Variants in KIF13A observed in about 807,000 individuals in gnomAD.
The protein encoded by KIF13A is kinesin-like protein KIF13A.
Under a neutral mutation model 212.2 loss-of-function variants are expected in KIF13A, and 79 were observed. The ratio of observed to expected loss-of-function variants is 0.37; its 90% CI spans 0.31 to 0.45. The LOEUF (loss-of-function observed/expected upper bound fraction) is 0.45. Ranked by LOEUF, KIF13A falls within the 20% of genes least tolerant of loss-of-function variation. KIF13A has a pLI of 1.00. For synonymous variants in KIF13A, 789 were observed against 808.6 expected, an observed-to-expected ratio of 0.98 and a Z score of 0.41; for missense variants, 1,901 against 2,209.0, an observed-to-expected ratio of 0.86 and a Z score of 2.79.
intron 2 of KIF13A, among the ~76,000 whole-genome samples, chr6:17,978,141 G>T (rs1236134642): frequency 6.6e-6 from 1 of 152,234 alleles, no homozygotes; most frequent in Non-Finnish European, 1.5e-5. Context: ...TTCTAGTCCT[G>T]TGAGTCTAGG....
rs1251444637 is a variant in KIF13A, at chr6:17,963,892, A to G, written c.146+23162T>C. Among the ~76,000 whole-genome samples the G allele has an allele frequency of 6.6e-6, 1 of 152,218 alleles. No individual in the cohort carries two copies. Among genetic ancestry groups the G allele is most frequent in the Non-Finnish European group, 1.5e-5 (1 of 68,028 alleles). The stretch of plus-strand genomic sequence containing the variant: ...ATCTTAATGGTGATAGTGGTTAATC[A>G]GGCATATGCAACTGTAAAAACTCAA... On this transcript the variant is annotated intron_variant, in intron 2 of 38. Coordinates refer to ENST00000259711, the MANE Select transcript of KIF13A (RefSeq NM_022113.6). This position sits in a 1 kb window ranked among gnomAD's most constrained non-coding sequence, Gnocchi z 4.1.
chr6:17,867,102 A>G (rs1769480230), intron 4 of KIF13A, among the ~76,000 whole-genome samples: 1 of 152,000 alleles, frequency 6.6e-6, no homozygotes, highest in South Asian at 2.1e-4. Context: ...TTATGCTTGT[A>G]CAAAGGGTCA....
chr6:17,974,827 T>G (rs190007758), intron 2 of KIF13A, among the ~76,000 whole-genome samples: 1 of 152,232 alleles, frequency 6.6e-6, no homozygotes, highest in African/African-American at 2.4e-5. Context: ...TGGCCACATA[T>G]AGCTGTTTAA....
At chr6:17,820,232 C>G (rs537880311) in intron 16 of KIF13A, among the ~76,000 whole-genome samples, 1 of 152,092 alleles carries the variant, frequency 6.6e-6, no homozygotes, top group Non-Finnish European at 1.5e-5. Flanking sequence ...AATTGAAGTG[C>G]AAATACAGAA....
In KIF13A at chr6:17,828,213, C is replaced by G. The variant is rs760648721; in HGVS notation, c.1532+27G>C. ...TTCTGAAAATAAGGCACACAAGACACGTGAAGTCACCATTTACTTTTCTTA... is the reference window on the plus strand; with the variant it reads ...TTCTGAAAATAAGGCACACAAGACAGGTGAAGTCACCATTTACTTTTCTTA... On this transcript the variant is annotated intron_variant, in intron 14 of 38. Coordinates refer to ENST00000259711, the MANE Select transcript of KIF13A (RefSeq NM_022113.6). This position sits in a 1 kb window ranked among gnomAD's most constrained non-coding sequence, Gnocchi z 4.3. The G allele has an allele frequency of 6.2e-7, 1 of 1,604,542 alleles. No individual in the cohort carries two copies. The highest frequency in any genetic ancestry group is 1.3e-5 in the African/African-American group (1 of 74,892).
intron 16 of KIF13A, among the ~76,000 whole-genome samples, chr6:17,824,810 T>C (rs1377785297): frequency 6.9e-6 from 1 of 145,476 alleles, no homozygotes; most frequent in Non-Finnish European, 1.5e-5. Flanking sequence ...TCAAGCCCCC[T>C]GTCAGGTAGA....
chr6:17,869,015 A>C (rs1364729181), intron 4 of KIF13A, among the ~76,000 whole-genome samples: 2 of 149,822 alleles, frequency 1.3e-5, no homozygotes, highest in Non-Finnish European at 3.0e-5. Flanking sequence ...AAAAAAAAAA[A>C]AAAAACACAA....
intron 3 of KIF13A, among the ~76,000 whole-genome samples, chr6:17,874,957 T>TTTTTTTTTGAG (rs1554188576): frequency 7.1e-6 from 1 of 141,464 alleles, no homozygotes; most frequent in Admixed American, 7.0e-5. Context: ...CATTCCTTTT[T>TTTTTTTTTGAG]ATGGCTAAGT....
At position 17,779,063 on chromosome 6, in the gene KIF13A, G is replaced by A. The variant is rs774472191; in HGVS notation, c.3976C>T (p.Leu1326Phe). Reference protein sequence around the residue: ...EEIEDRETLALLAARSENEGT... With the variant: ...EEIEDRETLAFLAARSENEGT... ...TCGTTTTCACTCCTTGCTGCCAGGA[G>A]AGCCAGCGTTTCCCGGTCCTCTATC... is the stretch of plus-strand genomic sequence containing the variant. The change falls in exon 33 of 39, where the codon CTC becomes TTC. Residue 1326 changes from leucine to phenylalanine, a missense_variant. By Grantham distance (22) the Leu-to-Phe change is conservative (BLOSUM62 0). Transcript: ENST00000259711. 5.2e-5 allele frequency: 84 copies of A among 1,613,512 alleles called. No homozygotes were observed. Among genetic ancestry groups the A allele is most frequent in the Non-Finnish European group, 6.4e-5 (75 of 1,179,812 alleles).
At chr6:17,795,779 T>C (rs1327671071) in intron 23 of KIF13A, among the ~76,000 whole-genome samples, 1 of 152,338 alleles carries the variant, frequency 6.6e-6, no homozygotes, top group East Asian at 1.9e-4. Flanking sequence ...AGTGGTCTTT[T>C]GATGAGCACA....
At chr6:17,865,203 T>C (rs1769234170) in intron 4 of KIF13A, among the ~76,000 whole-genome samples, 1 of 152,142 alleles carries the variant, frequency 6.6e-6, no homozygotes, top group Non-Finnish European at 1.5e-5. Context: ...TTTTCTAAAG[T>C]AACTACATAG....
At position 17,871,127 on chromosome 6, in the gene KIF13A, T is replaced by G. The variant is rs1769965930; in HGVS notation, c.220+2250A>C. Among the ~76,000 whole-genome samples, 1 of 152,172 alleles carries G rather than the reference T, an allele frequency of 6.6e-6. No individual in the cohort carries two copies. Among genetic ancestry groups the G allele is most frequent in the Non-Finnish European group, 1.5e-5 (1 of 68,046 alleles). ...TCTAGGCTTCCCTTTGACTAAACTC[T>G]AAACAACTCATATGTTGACAAGTAA... On this transcript the variant is annotated intron_variant, in intron 4 of 38. Coordinates refer to ENST00000259711, the MANE Select transcript of KIF13A (RefSeq NM_022113.6). This position sits in a 1 kb window ranked among gnomAD's most constrained non-coding sequence, Gnocchi z 4.4.
chr6:17,816,749 T>C lies in KIF13A; in HGVS notation c.2000+271A>G, dbSNP rs1289476430. On this transcript the variant is annotated intron_variant, in intron 17 of 38. Transcript: ENST00000259711. This position sits in a 1 kb window ranked among gnomAD's most constrained non-coding sequence, Gnocchi z 4.3. ...ATTATTCAAACTTTCTAAATTTCAA[T>C]ACATACCTGTCTAACCCTTGCAACT... 1.3e-5 allele frequency among the ~76,000 whole-genome samples: 2 copies of C among 152,236 alleles called. No homozygotes were observed. The highest frequency in any genetic ancestry group is 2.9e-5 in the Non-Finnish European group (2 of 68,038).
intron 2 of KIF13A, among the ~76,000 whole-genome samples, chr6:17,943,727 A>C (rs1455667682): frequency 1.3e-5 from 2 of 152,194 alleles, no homozygotes; most frequent in African/African-American, 4.8e-5. Flanking sequence ...CATAATAACT[A>C]AACTCTATAA....
intron 2 of KIF13A, among the ~76,000 whole-genome samples, chr6:17,972,516 G>A (rs920679584): frequency 2.0e-5 from 3 of 152,182 alleles, no homozygotes; most frequent in Non-Finnish European, 2.9e-5. Context: ...TTAAACCCTA[G>A]AACAGAATGT....
intron 38 of KIF13A, chr6:17,770,677 G>C (rs961657518): frequency 7.7e-6 from 2 of 260,616 alleles, no homozygotes; most frequent in Non-Finnish European, 1.2e-5. Flanking sequence ...CTTGGCAATA[G>C]CATCAGGCAA....
Position 17,849,618 on chromosome 6 carries a change from A to G in KIF13A, c.718-129T>C, listed in dbSNP as rs1343388101. 5.1e-6 allele frequency: 3 copies of G among 583,388 alleles called. No homozygotes were observed. The highest frequency in any genetic ancestry group is 8.9e-6 in the Non-Finnish European group (3 of 335,882). The allele number at this position is 583,388 out of a possible 1,614,324, so 36.1% of individuals were successfully genotyped here. ...ATATGGCAAATTTCTTAAGTTTTTA[A>G]ACGGTCAGAAGAGTTATTTGAACCA... On this transcript the variant is annotated intron_variant, in intron 8 of 38. Coordinates refer to ENST00000259711, the MANE Select transcript of KIF13A (RefSeq NM_022113.6). The surrounding 1 kb of genome is among the most constrained non-coding windows in gnomAD (Gnocchi z 5.7).
rs1253914032 is a variant in KIF13A, at chr6:17,799,843, A to C, written c.2616+109T>G. 1 of 1,292,112 alleles carries C rather than the reference A, an allele frequency of 7.7e-7. No individual in the cohort carries two copies. Among genetic ancestry groups the C allele is most frequent in the Non-Finnish European group, 1.1e-6 (1 of 923,932 alleles). The allele number at this position is 1,292,112 out of a possible 1,614,324, so 80.0% of individuals were successfully genotyped here. The stretch of plus-strand genomic sequence containing the variant: ...TGTCCACCACTGTATCTGCTGTTAC[A>C]AAATCCAACTTTTACTACCCTGGAT... On this transcript the variant is annotated intron_variant, in intron 21 of 38. Transcript: ENST00000259711. The surrounding 1 kb of genome is among the most constrained non-coding windows in gnomAD (Gnocchi z 4.4).
At chr6:17,861,608 T>C (rs957665619) in intron 4 of KIF13A, among the ~76,000 whole-genome samples, 1 of 152,196 alleles carries the variant, frequency 6.6e-6, no homozygotes, top group African/African-American at 2.4e-5. Context: ...CCTGTGATCA[T>C]TCTTCTTAGT....
Sources: allele counts gnomAD v4.1 joint callset (sites outside exome capture counted in the v4.1 genomes callset), GRCh38; gene constraint gnomAD v4.1.1; non-coding constraint Gnocchi (gnomAD v3.1); transcripts MANE v1.5; gene names NCBI Gene and HGNC (gene_info 2026-07-23, HGNC 2026-07-21).